LRP1B: variants seen among roughly 807,000 people sequenced by gnomAD.
LRP1B encodes the protein LDL receptor related protein 1B, also known as low-density lipoprotein receptor-related protein 1B.
In LRP1B, 217 loss-of-function variants were observed where a neutral mutation model predicts 556.6. The ratio of observed to expected loss-of-function variants is 0.39; its 90% CI spans 0.35 to 0.44. The LOEUF (loss-of-function observed/expected upper bound fraction) is 0.44. LRP1B is among the 20% of genes least tolerant of loss of function. The probability of loss-of-function intolerance (pLI) is 1.00; values close to 1 mark genes in which losing one functional copy is unlikely to be tolerated. For missense variants in LRP1B, 5,053 were observed against 5,620.8 expected (o/e 0.90, Z 3.23); for synonymous variants, 2,047 against 1,865.8 (o/e 1.10, Z -2.50).
chr2:140,565,076 T>C (rs943348783), intron 43 of LRP1B, among the ~76,000 whole-genome samples: 1 of 130,096 alleles, frequency 7.7e-6, no homozygotes, highest in East Asian at 2.3e-4. Context: ...CAGATTTTTT[T>C]TCACGGCAGA....
chr2:140,564,763 A>T (rs933206305), intron 43 of LRP1B, among the ~76,000 whole-genome samples: 8 of 152,110 alleles, frequency 5.3e-5, no homozygotes, highest in African/African-American at 1.9e-4. Context: ...ATACAGTTTA[A>T]TTAAAAATCA....
intron 18 of LRP1B, among the ~76,000 whole-genome samples, chr2:140,961,891 A>G (rs1696047283): frequency 1.3e-5 from 2 of 152,194 alleles, no homozygotes; most frequent in African/African-American, 4.8e-5. Flanking sequence ...ATATGCAAGT[A>G]GAGGTAATAA....
chr2:141,295,557 A>G (rs929515630), intron 3 of LRP1B, among the ~76,000 whole-genome samples: 4 of 152,258 alleles, frequency 2.6e-5, no homozygotes, highest in Non-Finnish European at 5.9e-5. Context: ...TCTCTTTAGC[A>G]TTTGTTTCCT....
chr2:140,324,673 TATAGA>T (rs1352549277), intron 80 of LRP1B, among the ~76,000 whole-genome samples: 2 of 151,786 alleles, frequency 1.3e-5, no homozygotes, highest in East Asian at 1.9e-4. Context: ...TCAGAGATTT[TATAGA>T]ATAATTATTC....
intron 1 of LRP1B, among the ~76,000 whole-genome samples, chr2:142,103,709 A>G (rs1449958015): frequency 6.6e-6 from 1 of 151,738 alleles, no homozygotes; most frequent in Admixed American, 6.6e-5. Flanking sequence ...AAGATGACCC[A>G]ATGATTTTTC....
rs529198118 is a variant in LRP1B, at chr2:140,258,601, A to G, written c.13248-11439T>C. 1.8e-4 allele frequency among the ~76,000 whole-genome samples: 28 copies of G among 152,274 alleles called. 4 individuals carry two copies. In the Middle Eastern group the frequency reaches 0.031, roughly 166 times the overall value. ...ATTATTGTGTTTCTCGTCTATTGCA[A>G]TGGCTTTAAAATTTTCATTTTCTGG... On this transcript the variant is annotated intron_variant, in intron 86 of 90. Transcript: ENST00000389484.
chr2:140,464,303 C>T (rs1687451718), intron 60 of LRP1B, among the ~76,000 whole-genome samples: 1 of 151,904 alleles, frequency 6.6e-6, no homozygotes, highest in Non-Finnish European at 1.5e-5. Context: ...ATCCATGGCC[C>T]ATTATTTTCT....
At position 140,655,942 on chromosome 2, in the gene LRP1B, C is replaced by CAAAAAAAAAAAAA. The variant is rs369787900; in HGVS notation, c.6799+44307_6799+44308insTTTTTTTTTTTTT. ...TGGGAGACAGGGTGAGACTCCGTCT[C>CAAAAAAAAAAAAA]AAAAAAAACAAAAAAAGAATAGGCA... On this transcript the variant is annotated intron_variant, in intron 41 of 90. Coordinates refer to ENST00000389484, the MANE Select transcript of LRP1B (RefSeq NM_018557.3). Among the ~76,000 whole-genome samples, 93 of 146,090 alleles carry CAAAAAAAAAAAAA rather than the reference C, an allele frequency of 6.4e-4. 1 individual carries two copies. The highest frequency in any genetic ancestry group is 1.4e-3 in the African/African-American group (54 of 39,314).
intron 1 of LRP1B, among the ~76,000 whole-genome samples, chr2:141,942,105 C>T (rs1700824392): frequency 6.6e-6 from 1 of 152,132 alleles, no homozygotes; most frequent in South Asian, 2.1e-4. Context: ...ATTACTCAAA[C>T]AATCAGTTCA....
At chr2:140,727,209 C>CT (rs1687625157) in intron 35 of LRP1B, among the ~76,000 whole-genome samples, 1 of 152,076 alleles carries the variant, frequency 6.6e-6, no homozygotes, top group African/African-American at 2.4e-5. Context: ...AAAGGAAAGG[C>CT]TTAGTACTAC....
At chr2:140,710,695 G>A (rs922885454) in intron 37 of LRP1B, among the ~76,000 whole-genome samples, 2 of 151,902 alleles carry the variant, frequency 1.3e-5, no homozygotes, top group Non-Finnish European at 2.9e-5. Context: ...GTCAGAGAAG[G>A]CTAAAGAAAA....
intron 1 of LRP1B, among the ~76,000 whole-genome samples, chr2:142,118,452 C>G (rs2290141): frequency 0.33 from 49,741 of 152,118 alleles, 8,372 homozygotes; most frequent in Middle Eastern, 0.51. Flanking sequence ...TGGCTCTTTA[C>G]AGCAGGTTTA....
At chr2:141,028,260 A>G (rs1300499989) in intron 11 of LRP1B, among the ~76,000 whole-genome samples, 1 of 151,758 alleles carries the variant, frequency 6.6e-6, no homozygotes, top group Non-Finnish European at 1.5e-5. Context: ...ATAAATAAAT[A>G]CTTATGATTC....
intron 2 of LRP1B, among the ~76,000 whole-genome samples, chr2:141,754,692 G>A (rs1050075834): frequency 1.3e-5 from 2 of 152,066 alleles, no homozygotes; most frequent in Admixed American, 1.3e-4. Flanking sequence ...TGCTAAATAT[G>A]ACCTCTTAAC....
At chr2:141,907,583 G>T (rs1217616337) in intron 1 of LRP1B, among the ~76,000 whole-genome samples, 1 of 151,744 alleles carries the variant, frequency 6.6e-6, no homozygotes, top group East Asian at 1.9e-4. Context: ...GAATTGGCAC[G>T]ACCTTTAATG....
intron 6 of LRP1B, among the ~76,000 whole-genome samples, chr2:141,197,200 G>A (rs1000584436): frequency 2.6e-5 from 4 of 152,180 alleles, no homozygotes; most frequent in Admixed American, 2.0e-4. Flanking sequence ...GAAATTGCCT[G>A]TCTGTTGGGG....
chr2:141,862,628 C>T (rs12105666), intron 1 of LRP1B, among the ~76,000 whole-genome samples: 20,385 of 152,076 alleles, frequency 0.13, 1,620 homozygotes, highest in Non-Finnish European at 0.18. Flanking sequence ...AGGCTGCTTT[C>T]GAACTCCCGA....
chr2:140,805,069 A>G (rs551104743), intron 32 of LRP1B, among the ~76,000 whole-genome samples: 3 of 152,264 alleles, frequency 2.0e-5, no homozygotes, highest in East Asian at 1.9e-4. Flanking sequence ...TTGAAAACAA[A>G]TGTTGTGTGC....
intron 1 of LRP1B, among the ~76,000 whole-genome samples, chr2:141,909,569 A>T (rs1419704396): frequency 1.2e-5 from 1 of 85,702 alleles, no homozygotes; most frequent in African/African-American, 4.8e-5. Flanking sequence ...TTACCTCTGG[A>T]GGAGGGACAT....
Sources: allele counts gnomAD v4.1 joint callset (sites outside exome capture counted in the v4.1 genomes callset), GRCh38; gene constraint gnomAD v4.1.1; transcripts MANE v1.5; gene names NCBI Gene and HGNC (gene_info 2026-07-23, HGNC 2026-07-21).